Variants in ARID1A observed in about 807,000 individuals in gnomAD.
ARID1A encodes the protein AT-rich interactive domain-containing protein 1A.
In ARID1A, 20 loss-of-function variants were observed where a neutral mutation model predicts 212.6. That is an observed-to-expected ratio of 0.09 (90% confidence interval 0.07 to 0.14). The LOEUF is 0.14. Ranked by LOEUF, ARID1A falls within the 10% of genes least tolerant of loss-of-function variation. The probability of loss-of-function intolerance (pLI) is 1.00; values close to 1 mark genes in which losing one functional copy is unlikely to be tolerated. For synonymous variants in ARID1A, 1,376 were observed against 1,222.1 expected (o/e 1.13, Z -2.63); for missense variants, 2,587 against 3,059.0 (o/e 0.85, Z 3.64).
intron 16 of ARID1A, 40 bp from the exon 17 acceptor site, chr1:26,773,762 C>A (rs374731461): frequency 1.2e-4 from 188 of 1,614,066 alleles, no homozygotes; most frequent in Non-Finnish European, 1.6e-4. Flanking sequence ...CAGGCTTCGC[C>A]ACTGCCCACC....
rs769508953 is a variant in ARID1A, at chr1:26,760,843, A to T, written c.1921-13A>T. 1.4e-5 allele frequency: 22 copies of T among 1,603,384 alleles called. No homozygotes were observed. The South Asian group carries it at 2.4e-4, about 18-fold the overall frequency. ...TAATATTACTAATCCATGTTCTTAT[A>T]TATATGTTCTAGGATCTATCTGGTT... is the stretch of plus-strand genomic sequence containing the variant. On this transcript the variant is annotated splice_polypyrimidine_tract_variant and intron_variant, in intron 4 of 19. Coordinates refer to ENST00000324856, the MANE Select transcript of ARID1A (RefSeq NM_006015.6).
intron 4 of ARID1A, among the ~76,000 whole-genome samples, chr1:26,746,263 T>C (rs2080834563): frequency 1.3e-5 from 2 of 152,210 alleles, no homozygotes; most frequent in African/African-American, 2.4e-5. Context: ...TCTCAAAAAC[T>C]AGAATGTCCT....
rs979538635 is a variant in ARID1A at position 26,696,981 on chromosome 1, A to C, written c.578A>C (p.Glu193Ala). The change falls in exon 1 of 20, where the codon GAG becomes GCG. Residue 193 changes from glutamate to alanine, a missense_variant. Physicochemically the swap from Glu to Ala is moderately radical, Grantham distance 107. Coordinates refer to ENST00000324856, the MANE Select transcript of ARID1A (RefSeq NM_006015.6). ...ALQSGGGGGL[E>A]PYAGPQQNSH... ...CAGAGCGGCGGCGGCGGGGGCCTGG[A>C]GCCCTACGCGGGGCCCCAGCAGAAC... 2 of 1,497,532 alleles carry C rather than the reference A, an allele frequency of 1.3e-6. No individual in the cohort carries two copies. Among genetic ancestry groups the C allele is most frequent in the African/African-American group, 2.9e-5 (2 of 68,200 alleles). 92.8% of individuals were successfully genotyped at this position (1,497,532 alleles called of 1,614,324 possible).
intron 17 of ARID1A, 85 bp downstream of exon 17, chr1:26,773,983 A>G: frequency 6.7e-7 from 1 of 1,503,290 alleles, no homozygotes; most frequent in Non-Finnish European, 9.2e-7. Flanking sequence ...TTGAAGTCTA[A>G]GAAGCTCACT....
In ARID1A at chr1:26,732,925, A is replaced by G. The variant is rs376477321; in HGVS notation, c.1920+133A>G. On this transcript the variant is annotated intron_variant, in intron 4 of 19. Coordinates refer to ENST00000324856, the MANE Select transcript of ARID1A (RefSeq NM_006015.6). ...GTTATTTCTTGAATTCAAGGAACTT[A>G]AAGGCTGACTTGTAGATGTCTGTTC... The G allele has an allele frequency of 8.0e-4, 596 of 742,794 alleles. 10 individuals carry two copies. In the South Asian group the frequency reaches 0.01, roughly 13 times the overall value. 46.0% of individuals were successfully genotyped at this position (742,794 alleles called of 1,614,324 possible). A position where few individuals can be genotyped will look rare whatever the true frequency, so the allele number is the denominator to read the frequency against.
In ARID1A at chr1:26,696,655, C is replaced by T. The variant is rs2124740981; in HGVS notation, c.252C>T (p.Gly84=). The T allele has an allele frequency of 1.5e-6, 2 of 1,313,412 alleles. No homozygotes were observed. The highest frequency in any genetic ancestry group is 9.7e-7 in the Non-Finnish European group (1 of 1,035,162). The allele number at this position is 1,313,412 out of a possible 1,614,324, so 81.4% of individuals were successfully genotyped here. ...QDGAESNGGG[G]GGGAGSGGGP... is the part of the protein sequence containing the mutation. ...GGGCCGAGAGCAATGGGGGTGGCGG[C>T]GGCGGCGGAGCCGGCAGCGGCGGCG... is the stretch of plus-strand genomic sequence containing the variant. The change falls in exon 1 of 20, where the codon GGC becomes GGT. Residue 84 remains glycine, a synonymous_variant. Coordinates refer to ENST00000324856, the MANE Select transcript of ARID1A (RefSeq NM_006015.6).
intron 19 of ARID1A, chr1:26,778,101 ACT>A (rs1553153548): frequency 4.0e-5 from 6 of 148,374 alleles, no homozygotes; most frequent in Non-Finnish European, 8.9e-5. Flanking sequence ...ACACACACAC[ACT>A]CTCACACACT....
At chr1:26,724,569 T>C (rs1192288602) in intron 1 of ARID1A, among the ~76,000 whole-genome samples, 2 of 152,226 alleles carry the variant, frequency 1.3e-5, no homozygotes. Flanking sequence ...GATGGAGAAT[T>C]TGCAGCTATT....
Position 26,779,667 on chromosome 1 carries a change from C to G in ARID1A, c.5769C>G (p.Thr1923=), listed in dbSNP as rs753993188. The G allele has an allele frequency of 6.2e-7, 1 of 1,614,064 alleles. No individual in the cohort carries two copies. The change falls in exon 20 of 20, where the codon ACC becomes ACG. Residue 1923 remains threonine (T), a synonymous_variant. Coordinates refer to ENST00000324856, the MANE Select transcript of ARID1A (RefSeq NM_006015.6). ...DMLSTRSSTL[T]EDGAKSSEAI... ...TGTCTACTCGGTCTAGCACCTTGACCGAGGATGGAGCTAAGAGTTCAGAGG... is the reference window on the plus strand; with the variant it reads ...TGTCTACTCGGTCTAGCACCTTGACGGAGGATGGAGCTAAGAGTTCAGAGG...
chr1:26,779,638 ATGT>A lies in ARID1A; in HGVS notation c.5744_5746del (p.Leu1915del), dbSNP rs2081172136. 2 of 1,614,062 alleles carry A rather than the reference ATGT, an allele frequency of 1.2e-6. No homozygotes were observed. The highest frequency in any genetic ancestry group is 1.7e-6 in the Non-Finnish European group (2 of 1,180,018). ...ACGGATCACAGCCACTATGGATGAC[ATGT>A]TGTCTACTCGGTCTAGCACCTTGAC... On this transcript the variant is annotated inframe_deletion, in exon 20 of 20. Transcript: ENST00000324856.
rs751352361 is a variant in ARID1A at position 26,697,417 on chromosome 1, G to GGCTGCGGCGGCGGCA, written c.1029_1043dup (p.Ala345_Ala349dup). ...CGGACATGGCCTCGCAGTGTTGGGG[G>GGCTGCGGCGGCGGCA]GCTGCGGCGGCGGCAGCTGCGGCGG... On this transcript the variant is annotated inframe_insertion, in exon 1 of 20. Transcript: ENST00000324856. The GGCTGCGGCGGCGGCA allele has an allele frequency of 2.1e-5, 28 of 1,350,952 alleles. No individual in the cohort carries two copies. Among genetic ancestry groups the GGCTGCGGCGGCGGCA allele is most frequent in the South Asian group, 7.7e-5 (4 of 51,734 alleles). The allele number at this position is 1,350,952 out of a possible 1,614,324, so 83.7% of individuals were successfully genotyped here. A position where few individuals can be genotyped will look rare whatever the true frequency, so the allele number is the denominator to read the frequency against.
chr1:26,704,668 G>A, intron 1 of ARID1A, among the ~76,000 whole-genome samples: 1 of 152,040 alleles, frequency 6.6e-6, no homozygotes, highest in Admixed American at 6.5e-5. Flanking sequence ...TTGGGACCAG[G>A]CTATTAACAT....
At chr1:26,748,439 A>G (rs2080856537) in intron 4 of ARID1A, among the ~76,000 whole-genome samples, 1 of 152,092 alleles carries the variant, frequency 6.6e-6, no homozygotes, top group African/African-American at 2.4e-5. Context: ...TGTTTGGTTG[A>G]CCTTCCTAAC....
chr1:26,717,371 C>G (rs2080513280), intron 1 of ARID1A, among the ~76,000 whole-genome samples: 1 of 152,172 alleles, frequency 6.6e-6, no homozygotes, highest in South Asian at 2.1e-4. Context: ...TGTTTTGTAT[C>G]TTTGTTAAAC....
intron 1 of ARID1A, among the ~76,000 whole-genome samples, chr1:26,710,494 TACACAC>T (rs61663540): frequency 1.0e-3 from 132 of 131,518 alleles, no homozygotes; most frequent in African/African-American, 3.2e-3. Flanking sequence ...AAATAATACA[TACACAC>T]ACACACACAC....
chr1:26,771,441 G>C lies in ARID1A; in HGVS notation c.3406+115G>C. 2 of 1,188,726 alleles carry C rather than the reference G, an allele frequency of 1.7e-6. No homozygotes were observed. Among genetic ancestry groups the C allele is most frequent in the Non-Finnish European group, 2.4e-6 (2 of 846,532 alleles). 73.6% of individuals were successfully genotyped at this position (1,188,726 alleles called of 1,614,324 possible). Reference sequence around the variant, plus strand: ...AGGATATGCCAAGGATCTGTGCTCTGCCTTGCCCTACCACAGGGCTTAACA... The same window carrying C: ...AGGATATGCCAAGGATCTGTGCTCTCCCTTGCCCTACCACAGGGCTTAACA... On this transcript the variant is annotated intron_variant, in intron 12 of 19. Transcript: ENST00000324856. This position sits in a 1 kb window ranked among gnomAD's most constrained non-coding sequence, Gnocchi z 5.4.
intron 7 of ARID1A, among the ~76,000 whole-genome samples, chr1:26,762,691 G>A (rs1236380184): frequency 6.6e-6 from 1 of 152,184 alleles, no homozygotes; most frequent in Non-Finnish European, 1.5e-5. Flanking sequence ...GCCCTAGGCT[G>A]ATCAAAAGTT....
At chr1:26,709,518 C>T (rs1224546979) in intron 1 of ARID1A, among the ~76,000 whole-genome samples, 1 of 152,076 alleles carries the variant, frequency 6.6e-6, no homozygotes, top group Admixed American at 6.5e-5. Flanking sequence ...CCCACTGGCC[C>T]TGCTTCTCAA....
rs577404945 is a variant in ARID1A, at chr1:26,702,385, T to C, written c.1137+4845T>C. 4.9e-4 allele frequency among the ~76,000 whole-genome samples: 74 copies of C among 152,296 alleles called. 1 individual carries two copies. Among genetic ancestry groups the C allele is most frequent in the African/African-American group, 1.8e-3 (73 of 41,574 alleles). On this transcript the variant is annotated intron_variant, in intron 1 of 19. Transcript: ENST00000324856. ...GGCTTAGTAGTTTAGAAGTGTAATT[T>C]AGGTATATTAGAGGAAGGAAGCTTC...
Sources: gnomAD v4.1 joint callset for allele counts (sites outside exome capture counted in the v4.1 genomes callset) on GRCh38, gnomAD v4.1.1 for gene constraint, Gnocchi (gnomAD v3.1) non-coding constraint, MANE v1.5 for transcripts, NCBI Gene and HGNC (gene_info 2026-07-23, HGNC 2026-07-21) for gene names.